ATG13: variants seen among roughly 807,000 people sequenced by gnomAD.
The protein encoded by ATG13 is autophagy related 13, also known as autophagy-related protein 13.
In ATG13, 23 loss-of-function variants were observed where a neutral mutation model predicts 65.5. The observed-to-expected ratio is 0.35, with a 90% CI of 0.25 to 0.50. The LOEUF is 0.50. ATG13 is among the 20% of genes least tolerant of loss of function. ATG13 has a pLI of 0.98. For synonymous variants in ATG13, 252 were observed against 245.2 expected (o/e 1.03, Z -0.26); for missense variants, 566 against 677.0 (o/e 0.84, Z 1.82).
At chr11:46,667,019 C>T (rs1480334570) in intron 14 of ATG13, among the ~76,000 whole-genome samples, 3 of 152,128 alleles carry the variant, frequency 2.0e-5, no homozygotes, top group African/African-American at 7.2e-5. Flanking sequence ...TGATTAAAGG[C>T]ATTTTACACT....
intron 11 of ATG13, chr11:46,659,815 T>A: frequency 5.2e-6 from 1 of 193,814 alleles, no homozygotes; most frequent in Non-Finnish European, 1.1e-5. Flanking sequence ...TACTTCTCTA[T>A]TGAGTGGTAA....
At chr11:46,659,290 G>C in intron 10 of ATG13, 102 bp from the exon 11 acceptor site, 1 of 897,112 alleles carries the variant, frequency 1.1e-6, no homozygotes, top group Non-Finnish European at 1.8e-6. Context: ...GTGTGAAACC[G>C]TTCTTAGCAC....
chr11:46,662,029 A>G (rs1342127888), intron 11 of ATG13, among the ~76,000 whole-genome samples: 2 of 151,976 alleles, frequency 1.3e-5, no homozygotes, highest in African/African-American at 2.4e-5. Context: ...CCCTGCTCTC[A>G]TGAACATATG....
At chr11:46,629,619 A>T (rs1239504181) in intron 1 of ATG13, among the ~76,000 whole-genome samples, 1 of 151,666 alleles carries the variant, frequency 6.6e-6, no homozygotes, top group Non-Finnish European at 1.5e-5. Flanking sequence ...CTGGTCTCGA[A>T]CTCCTGACCT....
chr11:46,652,198 A>T (rs2059062803), intron 7 of ATG13, among the ~76,000 whole-genome samples: 1 of 152,038 alleles, frequency 6.6e-6, no homozygotes, highest in Non-Finnish European at 1.5e-5. Flanking sequence ...CAGGGAACCA[A>T]GATCACACCA....
intron 2 of ATG13, among the ~76,000 whole-genome samples, chr11:46,637,703 G>A (rs1484090786): frequency 1.3e-5 from 2 of 152,198 alleles, no homozygotes; most frequent in Non-Finnish European, 1.5e-5. Flanking sequence ...GCTATTCAGA[G>A]CAAAAGAGTC....
At chr11:46,647,774 G>T (rs867220375) in intron 5 of ATG13, among the ~76,000 whole-genome samples, 18 of 152,014 alleles carry the variant, frequency 1.2e-4, no homozygotes, top group Admixed American at 2.6e-4. Flanking sequence ...TAGAGACAGG[G>T]TCTCCCTGTA....
chr11:46,627,750 G>T (rs1289185090), intron 1 of ATG13, among the ~76,000 whole-genome samples: 1 of 152,002 alleles, frequency 6.6e-6, no homozygotes, highest in East Asian at 1.9e-4. Flanking sequence ...GAGTGCTGGG[G>T]TTACAGGTGT....
intron 14 of ATG13, among the ~76,000 whole-genome samples, chr11:46,666,940 A>G (rs1174091742): frequency 6.6e-6 from 1 of 152,052 alleles, no homozygotes; most frequent in Non-Finnish European, 1.5e-5. Context: ...GCCATCCATC[A>G]GGAAAAATAA....
At chr11:46,637,708 A>G (rs1045581732) in intron 2 of ATG13, among the ~76,000 whole-genome samples, 2 of 152,252 alleles carry the variant, frequency 1.3e-5, no homozygotes, top group African/African-American at 4.8e-5. Context: ...TCAGAGCAAA[A>G]GAGTCAGCTG....
At position 46,659,213 on chromosome 11, in the gene ATG13, G is replaced by C. The variant is rs190120478; in HGVS notation, c.696-179G>C. 605 of 545,984 alleles carry C rather than the reference G, an allele frequency of 1.1e-3. 3 individuals carry two copies. Among genetic ancestry groups the C allele is most frequent in the Non-Finnish European group, 1.7e-4 (52 of 306,840 alleles). 33.8% of individuals were successfully genotyped at this position (545,984 alleles called of 1,614,324 possible). On this transcript the variant is annotated intron_variant, in intron 10 of 18. Transcript: ENST00000683050. Reference sequence around the variant, plus strand: ...AAGAACAAAACATTGTCAAACCTCTGAGTGCCACTCTCTGGAATGTTTGAA... The same window carrying C: ...AAGAACAAAACATTGTCAAACCTCTCAGTGCCACTCTCTGGAATGTTTGAA...
At chr11:46,627,378 C>CA (rs1466583551) in intron 1 of ATG13, among the ~76,000 whole-genome samples, 4 of 150,872 alleles carry the variant, frequency 2.7e-5, no homozygotes, top group African/African-American at 9.8e-5. Context: ...GACTCTGTCT[C>CA]AAAAAATAAA....
At position 46,668,867 on chromosome 11, in the gene ATG13, G is replaced by A. The variant is rs1592271884; in HGVS notation, c.1403G>A (p.Gly468Asp). The change falls in exon 17 of 19, where the codon GGC (glycine) becomes GAC (aspartate). Residue 468 changes from glycine to aspartate, a missense_variant. Coordinates refer to ENST00000683050, the MANE Select transcript of ATG13 (RefSeq NM_001346311.2). ...GSLHSDGSSG[G>D]SSGNTHDDFV... ...CTGCACTCAGATGGCTCCAGCGGGG[G>A]CAGCAGTGGCAATACCCATGATGAC... The A allele has an allele frequency of 6.2e-7, 1 of 1,613,984 alleles. No individual in the cohort carries two copies. The highest frequency in any genetic ancestry group is 8.5e-7 in the Non-Finnish European group (1 of 1,180,016).
chr11:46,637,381 TTTC>T (rs1425504146), intron 2 of ATG13, among the ~76,000 whole-genome samples: 3 of 152,212 alleles, frequency 2.0e-5, no homozygotes, highest in Admixed American at 2.0e-4. Flanking sequence ...AAAAATGTAT[TTTC>T]TTTTCTCTGA....
Position 46,672,665 on chromosome 11 carries a change from C to T in ATG13, c.*333C>T. On this transcript the variant is annotated 3_prime_UTR_variant, in exon 19 of 19. Coordinates refer to ENST00000683050, the MANE Select transcript of ATG13 (RefSeq NM_001346311.2). ...GTCATCCTGTTCCTCCTGCTGCCGGCCTCCTGCCTGGGCCTGCCTTGCAGC... is the reference window on the plus strand; with the variant it reads ...GTCATCCTGTTCCTCCTGCTGCCGGTCTCCTGCCTGGGCCTGCCTTGCAGC... 1 of 1,377,584 alleles carries T rather than the reference C, an allele frequency of 7.3e-7. No homozygotes were observed. The highest frequency in any genetic ancestry group is 9.6e-7 in the Non-Finnish European group (1 of 1,039,866). The allele number at this position is 1,377,584 out of a possible 1,614,324, so 85.3% of individuals were successfully genotyped here.
intron 2 of ATG13, among the ~76,000 whole-genome samples, chr11:46,642,128 C>T (rs570673435): frequency 1.3e-5 from 2 of 152,030 alleles, no homozygotes; most frequent in African/African-American, 4.8e-5. Flanking sequence ...TCTTTCAGCT[C>T]TCCTTTTGTT....
chr11:46,656,746 G>C (rs967291022), intron 8 of ATG13, among the ~76,000 whole-genome samples: 3 of 152,162 alleles, frequency 2.0e-5, no homozygotes, highest in African/African-American at 7.2e-5. Context: ...TTTTTAGCAT[G>C]TGATGTATCC....
intron 1 of ATG13, chr11:46,618,150 T>C (rs2045944118): frequency 2.8e-6 from 1 of 360,688 alleles, no homozygotes; most frequent in Non-Finnish European, 4.9e-6. Context: ...GTCAGGCGTT[T>C]TGGAGGTAAT....
chr11:46,654,283 T>TATATATATATATATATATATA lies in ATG13; in HGVS notation c.459-1950_459-1949insATATATATATATATATATATA, dbSNP rs1555105175. Among the ~76,000 whole-genome samples the TATATATATATATATATATATA allele has an allele frequency of 1.8e-3, 215 of 122,254 alleles. 5 individuals are homozygous for TATATATATATATATATATATA. Among genetic ancestry groups the TATATATATATATATATATATA allele is most frequent in the African/African-American group, 5.9e-3 (173 of 29,180 alleles). The allele number at this position is 122,254 out of a possible 152,430, so 80.2% of individuals were successfully genotyped here. ...CCTCATCACTACTATTTTTAAAATT[T>TATATATATATATATATATATA]TATATATATATATATATATATATAT... On this transcript the variant is annotated intron_variant, in intron 7 of 18. Transcript: ENST00000683050.
Sources: allele counts gnomAD v4.1 joint callset (sites outside exome capture counted in the v4.1 genomes callset), GRCh38; gene constraint gnomAD v4.1.1; transcripts MANE v1.5; gene names NCBI Gene and HGNC (gene_info 2026-07-23, HGNC 2026-07-21).